TBC1D16: variants seen among roughly 807,000 people sequenced by gnomAD.
TBC1D16 encodes the protein TBC1 domain family member 16.
Under a neutral mutation model 74.7 loss-of-function variants are expected in TBC1D16, and 58 were observed. The ratio of observed to expected loss-of-function variants is 0.78; its 90% confidence interval spans 0.63 to 0.97. The LOEUF is 0.97. TBC1D16 is among the 50% of genes least tolerant of loss of function. The pLI is 0.00. For missense variants in TBC1D16, 1,014 were observed against 1,079.5 expected, an observed-to-expected ratio of 0.94 and a Z score of 0.85; for synonymous variants, 493 against 474.7, an observed-to-expected ratio of 1.04 and a Z score of -0.50.
At chr17:79,972,366 A>G (rs1454489712) in intron 3 of TBC1D16, among the ~76,000 whole-genome samples, 2 of 152,016 alleles carry the variant, frequency 1.3e-5, no homozygotes, top group Non-Finnish European at 2.9e-5. Context: ...TAGTAGAGAC[A>G]GGGTTTCACC....
rs1180925450 is a variant in TBC1D16, at chr17:80,000,213, A to G, written c.779+9947T>C. Among the ~76,000 whole-genome samples, 1 of 152,208 alleles carries G rather than the reference A, an allele frequency of 6.6e-6. No homozygotes were observed. The highest frequency in any genetic ancestry group is 1.5e-5 in the Non-Finnish European group (1 of 68,040). ...CCATAGAGCATATGCCGCGGTGAACAGTGCTCCCCCAAGATTCATGTCCAC... is the reference window on the plus strand; with the variant it reads ...CCATAGAGCATATGCCGCGGTGAACGGTGCTCCCCCAAGATTCATGTCCAC... On this transcript the variant is annotated intron_variant, in intron 3 of 11. Transcript: ENST00000310924. This position sits in a 1 kb window ranked among gnomAD's most constrained non-coding sequence, Gnocchi z 4.1.
chr17:79,991,414 C>T (rs1003997473), intron 3 of TBC1D16, among the ~76,000 whole-genome samples: 22 of 152,056 alleles, frequency 1.4e-4, no homozygotes, highest in African/African-American at 5.3e-4. Context: ...ACCTCTCCAC[C>T]CACCAGACAC....
At chr17:80,031,211 C>A (rs560134984) in intron 1 of TBC1D16, among the ~76,000 whole-genome samples, 12 of 152,332 alleles carry the variant, frequency 7.9e-5, no homozygotes, top group Admixed American at 2.6e-4. Flanking sequence ...TCAGTCTCAT[C>A]AGGAGGATAA....
In TBC1D16 at chr17:79,940,914, C is replaced by G; in HGVS notation, c.2249G>C (p.Arg750Thr). ...TVEMPSPKSL[R>T]EGKKGPKTPQ... ...CGTCTTTGGGCCCTTCTTGCCTTCC[C>G]TCAGGGACTTGGGGGAAGGCATCTC... is the stretch of plus-strand genomic sequence containing the variant. Residue 750 changes from arginine (R) to threonine (T), a missense_variant, in exon 12 of 12, where the codon AGG becomes ACG. Arg to Thr is a moderately conservative substitution (Grantham distance 71). Coordinates refer to ENST00000310924, the MANE Select transcript of TBC1D16 (RefSeq NM_019020.4). The surrounding 1 kb of genome is among the most constrained non-coding windows in gnomAD (Gnocchi z 5.4). 6.3e-7 allele frequency: 1 copy of G among 1,589,890 alleles called. No homozygotes were observed. The highest frequency in any genetic ancestry group is 8.6e-7 in the Non-Finnish European group (1 of 1,165,008).
chr17:80,006,284 C>A (rs1467704535), intron 3 of TBC1D16, among the ~76,000 whole-genome samples: 1 of 152,122 alleles, frequency 6.6e-6, no homozygotes, highest in Non-Finnish European at 1.5e-5. Context: ...ACGCTACGTG[C>A]ACTTCAGAAA....
intron 3 of TBC1D16, among the ~76,000 whole-genome samples, chr17:79,989,335 G>T (rs2034973439): frequency 6.6e-6 from 1 of 152,240 alleles, no homozygotes; most frequent in African/African-American, 2.4e-5. Context: ...CCCTCTCACT[G>T]GTGGTTGGTT....
At chr17:79,947,576 C>G in intron 9 of TBC1D16, 69 bp downstream of exon 9, 1 of 1,557,468 alleles carries the variant, frequency 6.4e-7, no homozygotes, top group Non-Finnish European at 8.8e-7. Flanking sequence ...ACGGCAACCC[C>G]GGCTACAACG....
At position 80,008,981 on chromosome 17, in the gene TBC1D16, G is replaced by GC. The variant is rs971857712; in HGVS notation, c.779+1178dup. On this transcript the variant is annotated intron_variant, in intron 3 of 11. Transcript: ENST00000310924. This position sits in a 1 kb window ranked among gnomAD's most constrained non-coding sequence, Gnocchi z 4.5. ...CCAGCTGGGTTCACATCCCAGCTTGGCCCGGGCACTGGCTGGGAGACCCCT... is the reference window on the plus strand; with the variant it reads ...CCAGCTGGGTTCACATCCCAGCTTGGCCCCGGGCACTGGCTGGGAGACCCCT... 6.6e-6 allele frequency among the ~76,000 whole-genome samples: 1 copy of GC among 152,212 alleles called. No individual in the cohort carries two copies. The highest frequency in any genetic ancestry group is 2.4e-5 in the African/African-American group (1 of 41,456).
Position 79,975,921 on chromosome 17 carries a change from G to T in TBC1D16, c.780-23103C>A, listed in dbSNP as rs1013979089. Among the ~76,000 whole-genome samples, 3 of 152,202 alleles carry T rather than the reference G, an allele frequency of 2.0e-5. No individual in the cohort carries two copies. The highest frequency in any genetic ancestry group is 6.5e-5 in the Admixed American group (1 of 15,286). ...GGCGGCTCTCCAGGCCACGAGATGG[G>T]CACAGACCTTCCTGCACCCTCACAG... On this transcript the variant is annotated intron_variant, in intron 3 of 11. Transcript: ENST00000310924. The surrounding 1 kb of genome is among the most constrained non-coding windows in gnomAD (Gnocchi z 4.5).
intron 1 of TBC1D16, among the ~76,000 whole-genome samples, chr17:80,030,303 T>G (rs957964930): frequency 5.3e-5 from 8 of 151,774 alleles, no homozygotes; most frequent in African/African-American, 1.7e-4. Context: ...CCACGCAGAG[T>G]GACTACTCTT....
chr17:79,951,741 A>C (rs540057172), intron 4 of TBC1D16, 144 bp from the exon 5 acceptor site: 3 of 1,016,352 alleles, frequency 3.0e-6, no homozygotes, highest in Non-Finnish European at 4.2e-6. Context: ...TGCTAGCGGG[A>C]GGGGACAGAA....
At chr17:79,966,405 C>G (rs1320879743) in intron 3 of TBC1D16, among the ~76,000 whole-genome samples, 1 of 152,142 alleles carries the variant, frequency 6.6e-6, no homozygotes, top group Admixed American at 6.5e-5. Context: ...CCCACTAGAT[C>G]ACAGGCAAAC....
At chr17:80,003,087 G>A (rs1269085601) in intron 3 of TBC1D16, among the ~76,000 whole-genome samples, 3 of 152,212 alleles carry the variant, frequency 2.0e-5, no homozygotes, top group Non-Finnish European at 4.4e-5. Flanking sequence ...TTGGGGTGAA[G>A]TGCCCAGTGT....
intron 1 of TBC1D16, among the ~76,000 whole-genome samples, chr17:80,030,134 C>T (rs1445918984): frequency 3.9e-5 from 6 of 152,144 alleles, no homozygotes; most frequent in African/African-American, 1.4e-4. Flanking sequence ...GAATCCGTGG[C>T]CACGTAACAT....
chr17:79,947,036 G>A (rs1425250228), intron 9 of TBC1D16, among the ~76,000 whole-genome samples: 3 of 152,220 alleles, frequency 2.0e-5, no homozygotes, highest in African/African-American at 4.8e-5. Context: ...GCCCTGGTTC[G>A]GTCCCACACG....
intron 1 of TBC1D16, among the ~76,000 whole-genome samples, chr17:80,019,469 G>A (rs2143060074): frequency 6.9e-6 from 1 of 144,098 alleles, no homozygotes; most frequent in Non-Finnish European, 1.5e-5. Context: ...GATTGTTCTG[G>A]AGAGACTGGG....
At chr17:79,949,132 C>T (rs1360107240) in intron 7 of TBC1D16, 126 bp from the exon 8 acceptor site, 2 of 1,294,196 alleles carry the variant, frequency 1.5e-6, no homozygotes, top group Non-Finnish European at 1.1e-6. Context: ...TGGGCGGCTG[C>T]TGCCGGCTGC....
At chr17:79,946,292 C>T (rs968406957) in intron 9 of TBC1D16, among the ~76,000 whole-genome samples, 1 of 152,238 alleles carries the variant, frequency 6.6e-6, no homozygotes, top group Non-Finnish European at 1.5e-5. Flanking sequence ...AGTACACAAC[C>T]TAGACCCCTC....
chr17:79,965,326 C>A (rs2033797032), intron 3 of TBC1D16, among the ~76,000 whole-genome samples: 1 of 152,138 alleles, frequency 6.6e-6, no homozygotes, highest in Non-Finnish European at 1.5e-5. Context: ...AAATGATCCG[C>A]CTGCCTCGGC....
Sources: gnomAD v4.1 joint callset for allele counts (sites outside exome capture counted in the v4.1 genomes callset) on GRCh38, gnomAD v4.1.1 for gene constraint, Gnocchi (gnomAD v3.1) non-coding constraint, MANE v1.5 for transcripts, NCBI Gene and HGNC (gene_info 2026-07-23, HGNC 2026-07-21) for gene names.